Variants in GLCCI1 observed in about 807,000 individuals in gnomAD.
The protein encoded by GLCCI1 is glucocorticoid induced 1.
Under a neutral mutation model 52.2 loss-of-function variants are expected in GLCCI1, and 24 were observed. The ratio of observed to expected loss-of-function variants is 0.46; its 90% CI spans 0.33 to 0.65. The LOEUF (loss-of-function observed/expected upper bound fraction) is 0.65, where lower values mean the gene tolerates loss of function less well. Among genes scored for constraint, GLCCI1 ranks in the 30% least tolerant of loss-of-function variants. GLCCI1 has a pLI of 0.02. For missense variants in GLCCI1, 704 were observed against 701.5 expected (o/e 1.00, Z -0.04); for synonymous variants, 310 against 276.5 (o/e 1.12, Z -1.20).
chr7:8,081,484 G>GTGAT (rs1200698138), intron 6 of GLCCI1, among the ~76,000 whole-genome samples: 1 of 152,132 alleles, frequency 6.6e-6, no homozygotes, highest in East Asian at 1.9e-4. Context: ...CTTTATATAT[G>GTGAT]TGATATATAT....
intron 5 of GLCCI1, among the ~76,000 whole-genome samples, chr7:8,069,122 C>A (rs1782696725): frequency 6.6e-6 from 1 of 152,136 alleles, no homozygotes; most frequent in African/African-American, 2.4e-5. Context: ...CTGGGGTGAG[C>A]TAAGGCTTTA....
chr7:8,000,615 TA>T (rs1211187736), intron 1 of GLCCI1, among the ~76,000 whole-genome samples: 1 of 151,870 alleles, frequency 6.6e-6, no homozygotes, highest in Non-Finnish European at 1.5e-5. Flanking sequence ...ATGATACACA[TA>T]AAAAAATCTT....
chr7:7,982,131 C>G (rs898524525), intron 1 of GLCCI1: 2 of 385,658 alleles, frequency 5.2e-6, no homozygotes, highest in African/African-American at 2.2e-5. Flanking sequence ...AGTCACAAAT[C>G]CAAATACCAG....
intron 1 of GLCCI1, chr7:7,982,052 A>T (rs1780633822): frequency 2.1e-6 from 1 of 468,012 alleles, no homozygotes; most frequent in South Asian, 1.7e-5. Context: ...ATGAAAGAGT[A>T]AAAAGAGAGA....
intron 3 of GLCCI1, among the ~76,000 whole-genome samples, chr7:8,035,371 A>G (rs1045808387): frequency 1.3e-5 from 2 of 152,158 alleles, no homozygotes; most frequent in Non-Finnish European, 1.5e-5. Context: ...TGGAGAAGGG[A>G]TATCTCTCCT....
chr7:7,974,973 G>A (rs1405579825), intron 1 of GLCCI1, among the ~76,000 whole-genome samples: 1 of 152,094 alleles, frequency 6.6e-6, no homozygotes, highest in Non-Finnish European at 1.5e-5. Flanking sequence ...TTTAACGAGA[G>A]GTTGAAAATA....
chr7:8,040,371 A>G (rs1048961256), intron 3 of GLCCI1, among the ~76,000 whole-genome samples: 3 of 151,952 alleles, frequency 2.0e-5, no homozygotes, highest in African/African-American at 4.8e-5. Flanking sequence ...CTGTGGTCCG[A>G]GTTACTCAGG....
chr7:8,075,721 A>G (rs975944258), intron 6 of GLCCI1, among the ~76,000 whole-genome samples: 4 of 152,192 alleles, frequency 2.6e-5, no homozygotes, highest in African/African-American at 7.2e-5. Context: ...GGAAACATTG[A>G]TTATTGTAAT....
chr7:8,061,720 G>A (rs1423892578), intron 5 of GLCCI1, among the ~76,000 whole-genome samples: 6 of 129,776 alleles, frequency 4.6e-5, no homozygotes, highest in Admixed American at 4.4e-4. Flanking sequence ...AGGCTGGAGT[G>A]CAGTGGCACC....
At chr7:8,069,156 G>A (rs570744985) in intron 5 of GLCCI1, among the ~76,000 whole-genome samples, 1 of 152,302 alleles carries the variant, frequency 6.6e-6, no homozygotes, top group Non-Finnish European at 1.5e-5. Flanking sequence ...CTTGGAGGCA[G>A]CAGGGGAAGG....
chr7:8,051,007 G>A (rs1221400560), intron 3 of GLCCI1, among the ~76,000 whole-genome samples: 1 of 152,068 alleles, frequency 6.6e-6, no homozygotes, highest in Non-Finnish European at 1.5e-5. Context: ...TTTTAATGAT[G>A]CTTTTTTATT....
At chr7:8,079,623 G>A (rs1338931532) in intron 6 of GLCCI1, among the ~76,000 whole-genome samples, 5 of 151,558 alleles carry the variant, frequency 3.3e-5, no homozygotes, top group Admixed American at 6.6e-5. Context: ...TCAAGATTAT[G>A]TTGTGGAAGA....
chr7:8,080,939 T>C (rs1456567168), intron 6 of GLCCI1, among the ~76,000 whole-genome samples: 1 of 150,328 alleles, frequency 6.7e-6, no homozygotes, highest in Non-Finnish European at 1.5e-5. Context: ...CTCCCTAAAA[T>C]GTTGTGGTTA....
intron 1 of GLCCI1, chr7:7,981,119 T>C (rs1370403503): frequency 3.9e-5 from 18 of 465,160 alleles, no homozygotes; most frequent in Non-Finnish European, 3.3e-5. Flanking sequence ...GAAAAATCTG[T>C]GTATGCAAAT....
chr7:8,053,482 C>G (rs1224595899), intron 3 of GLCCI1, among the ~76,000 whole-genome samples: 4 of 149,940 alleles, frequency 2.7e-5, no homozygotes, highest in African/African-American at 9.8e-5. Flanking sequence ...ACCACCACGT[C>G]TGGCTAATTT....
intron 3 of GLCCI1, among the ~76,000 whole-genome samples, chr7:8,048,251 C>T (rs1180836209): frequency 2.0e-5 from 3 of 152,100 alleles, no homozygotes; most frequent in Non-Finnish European, 4.4e-5. Flanking sequence ...GTATCTCTTA[C>T]TCTCTCTTAG....
At chr7:8,052,635 T>C (rs2127958074) in intron 3 of GLCCI1, among the ~76,000 whole-genome samples, 1 of 152,378 alleles carries the variant, frequency 6.6e-6, no homozygotes, top group East Asian at 1.9e-4. Flanking sequence ...AGTGGCATAC[T>C]TCCCACATTG....
chr7:8,080,496 T>C (rs1383158954), intron 6 of GLCCI1, among the ~76,000 whole-genome samples: 1 of 151,528 alleles, frequency 6.6e-6, no homozygotes, highest in East Asian at 1.9e-4. Flanking sequence ...TTCAGGATGA[T>C]AGATCTCTTT....
At chr7:8,058,774 C>T (rs545991664) in intron 4 of GLCCI1, among the ~76,000 whole-genome samples, 1 of 152,148 alleles carries the variant, frequency 6.6e-6, no homozygotes, top group Non-Finnish European at 1.5e-5. Flanking sequence ...GGCATTGACC[C>T]TCATGCAGTT....
Sources: allele counts gnomAD v4.1 joint callset (sites outside exome capture counted in the v4.1 genomes callset), GRCh38; gene constraint gnomAD v4.1.1; transcripts MANE v1.5; gene names NCBI Gene and HGNC (gene_info 2026-07-23, HGNC 2026-07-21).